ATP8A2: variants seen among roughly 807,000 people sequenced by gnomAD.
ATP8A2 encodes the protein phospholipid-transporting ATPase IB.
In ATP8A2, 100 loss-of-function variants were observed where a neutral mutation model predicts 165.6. The ratio of observed to expected loss-of-function variants is 0.60; its 90% CI spans 0.51 to 0.71. The LOEUF (loss-of-function observed/expected upper bound fraction) is 0.71. Among genes scored for constraint, ATP8A2 ranks in the 30% least tolerant of loss-of-function variants. The probability of loss-of-function intolerance (pLI) is 0.00; values close to 1 mark genes in which losing one functional copy is unlikely to be tolerated. For missense variants in ATP8A2, 1,227 were observed against 1,479.5 expected, an observed-to-expected ratio of 0.83 and a Z score of 2.80; for synonymous variants, 543 against 548.8, an observed-to-expected ratio of 0.99 and a Z score of 0.15.
At chr13:25,731,518 G>A (rs1401028252) in intron 25 of ATP8A2, among the ~76,000 whole-genome samples, 2 of 147,736 alleles carry the variant, frequency 1.4e-5, no homozygotes, top group Admixed American at 1.4e-4. Context: ...AACACTTTTG[G>A]CCAAAGAATG....
intron 8 of ATP8A2, among the ~76,000 whole-genome samples, chr13:25,541,014 A>G (rs1269666823): frequency 3.3e-5 from 5 of 151,638 alleles, no homozygotes; most frequent in Admixed American, 3.3e-4. Flanking sequence ...GGTGCATGCT[A>G]CTACACCTGG....
At chr13:25,625,345 T>A (rs749057022) in intron 24 of ATP8A2, among the ~76,000 whole-genome samples, 2 of 152,244 alleles carry the variant, frequency 1.3e-5, no homozygotes, top group African/African-American at 4.8e-5. Flanking sequence ...TAGGACAAAA[T>A]GTGCCTTAAA....
intron 24 of ATP8A2, among the ~76,000 whole-genome samples, chr13:25,696,730 A>C (rs1166098104): frequency 2.6e-5 from 4 of 152,212 alleles, no homozygotes; most frequent in African/African-American, 9.6e-5. Context: ...GTGGTTCCAG[A>C]CCACTTTCTC....
chr13:25,916,974 G>T (rs1378187880), intron 33 of ATP8A2, among the ~76,000 whole-genome samples: 1 of 152,030 alleles, frequency 6.6e-6, no homozygotes, highest in Non-Finnish European at 1.5e-5. Context: ...ATAACTTGGG[G>T]TTTTTTTCTG....
At chr13:25,415,156 A>C (rs150491836) in intron 1 of ATP8A2, among the ~76,000 whole-genome samples, 1 of 152,236 alleles carries the variant, frequency 6.6e-6, no homozygotes, top group African/African-American at 2.4e-5. Flanking sequence ...ACAGAATGTT[A>C]TTCACTGTCA....
intron 24 of ATP8A2, among the ~76,000 whole-genome samples, chr13:25,621,365 T>C (rs2040963351): frequency 6.6e-6 from 1 of 152,220 alleles, no homozygotes; most frequent in African/African-American, 2.4e-5. Context: ...ATGTTCTGTT[T>C]CTGATTTAAT....
At chr13:25,738,340 T>G (rs71431762) in intron 25 of ATP8A2, among the ~76,000 whole-genome samples, 1 of 99,186 alleles carries the variant, frequency 1.0e-5, no homozygotes, top group African/African-American at 3.2e-5. Flanking sequence ...TGTGCCCCCC[T>G]CCCCCCCCCC....
chr13:25,698,182 C>A (rs1288490575), intron 24 of ATP8A2, among the ~76,000 whole-genome samples: 1 of 151,386 alleles, frequency 6.6e-6, no homozygotes, highest in African/African-American at 2.4e-5. Context: ...AGTGAGATAT[C>A]CTGTTCATAG....
chr13:25,807,941 AT>A (rs1950777462), intron 27 of ATP8A2, among the ~76,000 whole-genome samples: 1 of 152,096 alleles, frequency 6.6e-6, no homozygotes, highest in African/African-American at 2.4e-5. Context: ...TAAGCTACTC[AT>A]TTACTGCATC....
At chr13:26,013,197 T>G (rs1306535501) in intron 36 of ATP8A2, among the ~76,000 whole-genome samples, 1 of 152,050 alleles carries the variant, frequency 6.6e-6, no homozygotes, top group African/African-American at 2.4e-5. Flanking sequence ...AGATCCCAGC[T>G]GAGGCAGATC....
At chr13:25,594,984 GTATATATA>G (rs58403530) in intron 24 of ATP8A2, among the ~76,000 whole-genome samples, 1 of 142,818 alleles carries the variant, frequency 7.0e-6, no homozygotes, top group African/African-American at 2.6e-5. Context: ...GTGTGTGTGT[GTATATATA>G]TATATATATA....
chr13:25,535,828 A>G (rs2038261871), intron 6 of ATP8A2, among the ~76,000 whole-genome samples: 1 of 152,076 alleles, frequency 6.6e-6, no homozygotes. Flanking sequence ...AACAGAAAAC[A>G]AACAACCAAA....
In ATP8A2 at chr13:25,620,999, T is replaced by A. The variant is rs554873476; in HGVS notation, c.2211+31300T>A. 3.5e-4 allele frequency among the ~76,000 whole-genome samples: 54 copies of A among 152,174 alleles called. 1 individual carries two copies. The highest frequency in any genetic ancestry group is 3.4e-3 in the Middle Eastern group (1 of 294). On this transcript the variant is annotated intron_variant, in intron 24 of 36. Coordinates refer to ENST00000381655, the MANE Select transcript of ATP8A2 (RefSeq NM_016529.6). ...CTTTTGAGAGAAGTGGAGTAGTGGG[T>A]GATTGGGCCTAGGAGTGGGAGTGGA...
At chr13:25,534,256 T>C (rs1409902035) in intron 6 of ATP8A2, 3 of 527,478 alleles carry the variant, frequency 5.7e-6, no homozygotes, top group South Asian at 4.3e-5. Flanking sequence ...GCTGCAATCT[T>C]GAAGTCGTAT....
At chr13:25,530,719 T>A (rs1255590074) in intron 4 of ATP8A2, 59 bp downstream of exon 4, 15 of 1,036,630 alleles carry the variant, frequency 1.4e-5, no homozygotes, top group African/African-American at 3.2e-5. Flanking sequence ...AACTTATGTG[T>A]TGCCTCGGGT....
intron 24 of ATP8A2, among the ~76,000 whole-genome samples, chr13:25,622,405 A>G (rs2040993578): frequency 6.6e-6 from 1 of 152,118 alleles, no homozygotes; most frequent in Non-Finnish European, 1.5e-5. Context: ...AGGCTACCAC[A>G]TGAAAGTGGG....
At chr13:25,580,282 G>A (rs2039738693) in intron 22 of ATP8A2, among the ~76,000 whole-genome samples, 1 of 152,196 alleles carries the variant, frequency 6.6e-6, no homozygotes, top group Admixed American at 6.5e-5. Context: ...ATGCTGTGGA[G>A]GCTGGTTAGA....
chr13:25,466,050 A>T (rs759041837), intron 1 of ATP8A2, among the ~76,000 whole-genome samples: 31 of 151,968 alleles, frequency 2.0e-4, no homozygotes, highest in Non-Finnish European at 3.2e-4. Flanking sequence ...TTATCTAAAA[A>T]TTCTCCTCTT....
chr13:25,974,101 G>T (rs117468750), intron 35 of ATP8A2, among the ~76,000 whole-genome samples: 2 of 152,288 alleles, frequency 1.3e-5, no homozygotes, highest in East Asian at 3.9e-4. Flanking sequence ...GAGTGCAGAC[G>T]GCGGAGACAG....
Sources: gnomAD v4.1 joint callset for allele counts (sites outside exome capture counted in the v4.1 genomes callset) on GRCh38, gnomAD v4.1.1 for gene constraint, MANE v1.5 for transcripts, NCBI Gene and HGNC (gene_info 2026-07-23, HGNC 2026-07-21) for gene names.